Variants in CARMIL1 observed in about 807,000 individuals in gnomAD.
CARMIL1 encodes capping protein regulator and myosin 1 linker 1.
A neutral mutation model predicts 177.1 loss-of-function variants in CARMIL1; 90 were observed. The observed-to-expected ratio is 0.51, with a 90% CI of 0.43 to 0.61. The LOEUF (loss-of-function observed/expected upper bound fraction) is 0.61, where lower values mean the gene tolerates loss of function less well. Ranked by LOEUF, CARMIL1 falls within the 20% of genes least tolerant of loss-of-function variation. The pLI, the probability that CARMIL1 is intolerant of heterozygous loss-of-function variation, is 0.00. For missense variants in CARMIL1, 1,380 were observed against 1,667.0 expected (o/e 0.83, Z 3.00); for synonymous variants, 577 against 606.2 (o/e 0.95, Z 0.71).
chr6:25,412,410 C>A (rs899490029), intron 2 of CARMIL1, among the ~76,000 whole-genome samples: 1 of 152,188 alleles, frequency 6.6e-6, no homozygotes, highest in Admixed American at 6.5e-5. Flanking sequence ...GGCAATACCC[C>A]ATCTCTGTAA....
chr6:25,348,351 C>G (rs1428179079), intron 2 of CARMIL1, among the ~76,000 whole-genome samples: 1 of 151,308 alleles, frequency 6.6e-6, no homozygotes. Context: ...AGGCTGGTCT[C>G]GAACTCCTGG....
chr6:25,329,802 A>G (rs535911904), intron 2 of CARMIL1, among the ~76,000 whole-genome samples: 6 of 152,334 alleles, frequency 3.9e-5, no homozygotes, highest in Middle Eastern at 3.4e-3. Flanking sequence ...GTTGAAGAAA[A>G]CAATGAAAAG....
chr6:25,525,631 A>G (rs1376969547), intron 23 of CARMIL1, among the ~76,000 whole-genome samples: 2 of 152,222 alleles, frequency 1.3e-5, no homozygotes, highest in Non-Finnish European at 2.9e-5. Flanking sequence ...TTTCAGAATA[A>G]TGATAACCAC....
At chr6:25,490,734 TAAATAAATAAATAAATAAA>T (rs1278840880) in intron 13 of CARMIL1, among the ~76,000 whole-genome samples, 31 of 133,710 alleles carry the variant, frequency 2.3e-4, no homozygotes, top group African/African-American at 8.4e-4. Context: ...AATAAATAAA[TAAATAAATAAATAAATAAA>T]AAAAAATAAA....
intron 9 of CARMIL1, among the ~76,000 whole-genome samples, chr6:25,469,120 T>C (rs1034599499): frequency 1.3e-5 from 2 of 152,194 alleles, no homozygotes; most frequent in African/African-American, 4.8e-5. Flanking sequence ...ATCAGGTCAA[T>C]TGGAATTAAT....
chr6:25,290,268 G>T (rs1048590288), intron 2 of CARMIL1, among the ~76,000 whole-genome samples: 7 of 150,636 alleles, frequency 4.6e-5, no homozygotes, highest in Non-Finnish European at 8.9e-5. Context: ...GCTAATTTTT[G>T]TACTTTTTGT....
chr6:25,581,211 C>CTGTTTTTT (rs3830736), intron 30 of CARMIL1, 32 bp from the exon 31 acceptor site: 5 of 1,591,280 alleles, frequency 3.1e-6, no homozygotes, highest in East Asian at 2.2e-5. Flanking sequence ...TGGCCTTGGG[C>CTGTTTTTT]TGTTTTTTTG....
intron 5 of CARMIL1, among the ~76,000 whole-genome samples, chr6:25,446,671 C>G (rs1051394082): frequency 7.2e-5 from 11 of 152,174 alleles, no homozygotes; most frequent in Non-Finnish European, 1.2e-4. Context: ...TTTTCCTTTG[C>G]ATTTGCAATT....
chr6:25,451,990 C>CCCA, intron 8 of CARMIL1: 2 of 60,996 alleles, frequency 3.3e-5, no homozygotes, highest in Non-Finnish European at 3.3e-5. Context: ...CATCTTGCCC[C>CCCA]CCCCTCCCCC....
rs149515009 is a variant in CARMIL1, at chr6:25,385,913, C to T, written c.139-34201C>T. On this transcript the variant is annotated intron_variant, in intron 2 of 36. Transcript: ENST00000329474. ...AGAGAAACTTCAGTCTGACTTGCTA[C>T]TTGTTAGAAGATTTGGTAAAGAAGG... is the stretch of plus-strand genomic sequence containing the variant. Among the ~76,000 whole-genome samples the T allele has an allele frequency of 1.3e-3, 205 of 152,308 alleles. 1 individual carries two copies. Among genetic ancestry groups the T allele is most frequent in the African/African-American group, 4.5e-3 (189 of 41,568 alleles).
At chr6:25,555,398 C>G (rs1252003028) in intron 28 of CARMIL1, among the ~76,000 whole-genome samples, 1 of 151,786 alleles carries the variant, frequency 6.6e-6, no homozygotes, top group Non-Finnish European at 1.5e-5. Flanking sequence ...TTCATTCATT[C>G]ATTCATTCAT....
chr6:25,434,363 G>A (rs1273937741), intron 4 of CARMIL1, among the ~76,000 whole-genome samples: 1 of 152,092 alleles, frequency 6.6e-6, no homozygotes, highest in African/African-American at 2.4e-5. Context: ...AGGACTAGCT[G>A]TCTCAGTCTC....
chr6:25,294,930 G>A (rs1453274205), intron 2 of CARMIL1, among the ~76,000 whole-genome samples: 1 of 152,144 alleles, frequency 6.6e-6, no homozygotes, highest in African/African-American at 2.4e-5. Flanking sequence ...TTTTGAAGAG[G>A]GTATGGAGCC....
chr6:25,442,569 T>G (rs1797874373), intron 5 of CARMIL1, among the ~76,000 whole-genome samples: 1 of 152,098 alleles, frequency 6.6e-6, no homozygotes, highest in Non-Finnish European at 1.5e-5. Flanking sequence ...AAACAACTTC[T>G]GTAGAGTGGA....
At position 25,502,008 on chromosome 6, in the gene CARMIL1, A is replaced by AC. The variant is rs1488785080; in HGVS notation, c.1395+1773_1395+1774insC. ...GACATATTGTAAAAAAAAAAAAAAA[A>AC]AAAACCCAAACAATAGAACTCTAAA... is the stretch of plus-strand genomic sequence containing the variant. On this transcript the variant is annotated intron_variant, in intron 17 of 36. Transcript: ENST00000329474. Among the ~76,000 whole-genome samples, 12 of 151,378 alleles carry AC rather than the reference A, an allele frequency of 7.9e-5. No homozygotes were observed. In the South Asian group the frequency reaches 1.5e-3, roughly 18 times the overall value.
intron 2 of CARMIL1, among the ~76,000 whole-genome samples, chr6:25,390,844 C>T (rs1792742570): frequency 6.6e-6 from 1 of 152,122 alleles, no homozygotes; most frequent in African/African-American, 2.4e-5. Context: ...GCGTGAACAC[C>T]ACCACCTGTA....
In CARMIL1 at chr6:25,415,647, G is replaced by C. The variant is rs531224001; in HGVS notation, c.139-4467G>C. Among the ~76,000 whole-genome samples the C allele has an allele frequency of 8.3e-4, 126 of 152,216 alleles. 1 individual carries two copies. In the East Asian group the frequency reaches 0.024, roughly 29 times the overall value. ...TATTAATTAGATTCACACAGGGGAC[G>C]TTGTAATCACTTAATAGCCAATATG... On this transcript the variant is annotated intron_variant, in intron 2 of 36. Transcript: ENST00000329474.
chr6:25,390,795 A>G (rs1792736144), intron 2 of CARMIL1, among the ~76,000 whole-genome samples: 1 of 152,070 alleles, frequency 6.6e-6, no homozygotes, highest in South Asian at 2.1e-4. Flanking sequence ...GGTTCAAGTG[A>G]TTCTCCTGCC....
chr6:25,327,032 G>A (rs1451992180), intron 2 of CARMIL1, among the ~76,000 whole-genome samples: 1 of 152,138 alleles, frequency 6.6e-6, no homozygotes, highest in African/African-American at 2.4e-5. Flanking sequence ...ATGGCAAAAT[G>A]AGCGTACAGT....
Sources: allele counts gnomAD v4.1 joint callset (sites outside exome capture counted in the v4.1 genomes callset), GRCh38; gene constraint gnomAD v4.1.1; transcripts MANE v1.5; gene names NCBI Gene and HGNC (gene_info 2026-07-23, HGNC 2026-07-21).